The following CNGB3 variants were observed in gnomAD, a reference collection of about 807,000 sequenced individuals.
CNGB3 encodes the protein cyclic nucleotide-gated channel beta-3.
Under a neutral mutation model 92.8 loss-of-function variants are expected in CNGB3, and 86 were observed. The observed-to-expected ratio is 0.93, with a 90% CI of 0.78 to 1.11. The LOEUF is 1.11. Among genes scored for constraint, CNGB3 ranks in the 50% least tolerant of loss-of-function variants. The pLI, the probability that CNGB3 is intolerant of heterozygous loss-of-function variation, is 0.00. For synonymous variants in CNGB3, 333 were observed against 332.7 expected (o/e 1.00, Z -0.01); for missense variants, 1,026 against 956.8 (o/e 1.07, Z -0.95).
At chr8:86,707,837 A>C (rs989967117) in intron 3 of CNGB3, 1 of 151,960 alleles carries the variant, frequency 6.6e-6, no homozygotes, top group Non-Finnish European at 1.5e-5. Flanking sequence ...GGCAAAGTCT[A>C]GATATAACAC....
At chr8:86,615,518 G>C (rs546948712) in intron 13 of CNGB3, among the ~76,000 whole-genome samples, 4 of 152,144 alleles carry the variant, frequency 2.6e-5, no homozygotes, top group Non-Finnish European at 4.4e-5. Flanking sequence ...TGACAAGATC[G>C]CTAGAACCTG....
chr8:86,598,420 A>G (rs1822219439), intron 15 of CNGB3, among the ~76,000 whole-genome samples: 1 of 152,216 alleles, frequency 6.6e-6, no homozygotes. Flanking sequence ...TAGAGTGTCA[A>G]GCATGTTTTG....
At chr8:86,656,307 C>T (rs976617132) in intron 6 of CNGB3, among the ~76,000 whole-genome samples, 1 of 152,176 alleles carries the variant, frequency 6.6e-6, no homozygotes, top group Admixed American at 6.5e-5. Flanking sequence ...CTCCACCCTG[C>T]ACTCAGGAAG....
At chr8:86,685,721 C>G (rs1824174357) in intron 3 of CNGB3, among the ~76,000 whole-genome samples, 1 of 152,046 alleles carries the variant, frequency 6.6e-6, no homozygotes, top group African/African-American at 2.4e-5. Flanking sequence ...TATGACTGAG[C>G]TAACAGAAGA....
intron 15 of CNGB3, among the ~76,000 whole-genome samples, chr8:86,579,929 C>A (rs996085560): frequency 6.6e-6 from 1 of 152,160 alleles, no homozygotes; most frequent in East Asian, 1.9e-4. Context: ...GATGCATTGC[C>A]ACCTTTTGTT....
intron 3 of CNGB3, among the ~76,000 whole-genome samples, chr8:86,709,429 C>T (rs1048271826): frequency 2.6e-4 from 39 of 152,130 alleles, no homozygotes; most frequent in African/African-American, 9.2e-4. Flanking sequence ...TCAAACAGCC[C>T]TGTTTCTGTG....
At chr8:86,678,274 G>A (rs1208800738) in intron 3 of CNGB3, among the ~76,000 whole-genome samples, 1 of 152,106 alleles carries the variant, frequency 6.6e-6, no homozygotes, top group East Asian at 1.9e-4. Context: ...ACAAAATTAT[G>A]ATTTTTTGCC....
At chr8:86,712,853 G>A (rs1824775983) in intron 3 of CNGB3, among the ~76,000 whole-genome samples, 2 of 149,514 alleles carry the variant, frequency 1.3e-5, no homozygotes, top group African/African-American at 4.9e-5. Flanking sequence ...AAACTCCCAA[G>A]TAGCTAGGAT....
intron 3 of CNGB3, among the ~76,000 whole-genome samples, chr8:86,720,336 A>C (rs1389699913): frequency 6.6e-6 from 1 of 152,236 alleles, no homozygotes; most frequent in Non-Finnish European, 1.5e-5. Flanking sequence ...AAAGTGGGCT[A>C]AGGACATGAA....
intron 3 of CNGB3, among the ~76,000 whole-genome samples, chr8:86,712,883 G>GCT (rs1463349307): frequency 1.1e-4 from 16 of 150,734 alleles, no homozygotes; most frequent in African/African-American, 3.9e-4. Context: ...GTGATACTGC[G>GCT]CCTGGCTTTC....
chr8:86,721,793 A>G (rs1010026466), intron 3 of CNGB3, among the ~76,000 whole-genome samples: 1 of 152,170 alleles, frequency 6.6e-6, no homozygotes, highest in East Asian at 1.9e-4. Flanking sequence ...TTGATAGCTG[A>G]CATTCCTTTT....
intron 1 of CNGB3, among the ~76,000 whole-genome samples, chr8:86,741,640 T>A (rs185323459): frequency 7.3e-5 from 11 of 151,650 alleles, no homozygotes; most frequent in African/African-American, 2.7e-4. Flanking sequence ...CACTCCAGCC[T>A]GGGCGACAGA....
chr8:86,722,517 T>A (rs1450055650), intron 3 of CNGB3, among the ~76,000 whole-genome samples: 1 of 152,194 alleles, frequency 6.6e-6, no homozygotes, highest in Non-Finnish European at 1.5e-5. Flanking sequence ...TAATGTTATG[T>A]GTCAACTTGA....
At chr8:86,625,855 T>A (rs1361367951) in intron 13 of CNGB3, 128 bp downstream of exon 13, 1 of 766,640 alleles carries the variant, frequency 1.3e-6, no homozygotes, top group African/African-American at 1.7e-5. Context: ...TAATTCCACA[T>A]AATTTCTCTA....
In CNGB3 at chr8:86,717,485, C is replaced by A. The variant is rs1586034099; in HGVS notation, c.338+9046G>T. Among the ~76,000 whole-genome samples, 3 of 150,912 alleles carry A rather than the reference C, an allele frequency of 2.0e-5. No individual in the cohort carries two copies. In the South Asian group the frequency reaches 6.3e-4, roughly 31 times the overall value. On this transcript the variant is annotated intron_variant, in intron 3 of 17. Transcript: ENST00000320005. ...GACTGAGGCTGGAGAATTTTTTGAACCCAGGGGGTGGAGGTTGCCATGAGC... is the reference window on the plus strand; with the variant it reads ...GACTGAGGCTGGAGAATTTTTTGAAACCAGGGGGTGGAGGTTGCCATGAGC...
In CNGB3 at chr8:86,668,172, C is replaced by T. The variant is rs1307679177; in HGVS notation, c.494-4G>A. On this transcript the variant is annotated splice_polypyrimidine_tract_variant and splice_region_variant and intron_variant, in intron 4 of 17. Transcript: ENST00000320005. ...GGTGGTACAGCCGTGGGCTTTGCTT[C>T]ATAGGGAAAAAAAAAAAGATGAAAC... is the stretch of plus-strand genomic sequence containing the variant. 1 of 1,597,406 alleles carries T rather than the reference C, an allele frequency of 6.3e-7. No homozygotes were observed. The highest frequency in any genetic ancestry group is 1.4e-5 in the African/African-American group (1 of 73,190).
At chr8:86,693,497 G>A (rs1408377526) in intron 3 of CNGB3, among the ~76,000 whole-genome samples, 1 of 149,086 alleles carries the variant, frequency 6.7e-6, no homozygotes, top group Non-Finnish European at 1.5e-5. Flanking sequence ...TCGCAGAGGG[G>A]GATTTGGCAG....
chr8:86,642,325 A>T (rs896304032), intron 10 of CNGB3, among the ~76,000 whole-genome samples: 2 of 151,870 alleles, frequency 1.3e-5, no homozygotes, highest in African/African-American at 4.8e-5. Flanking sequence ...GTCAATTTTT[A>T]GATAAATTAG....
intron 15 of CNGB3, among the ~76,000 whole-genome samples, chr8:86,580,189 A>ACGG (rs1554604945): frequency 3.3e-4 from 8 of 24,366 alleles, no homozygotes; most frequent in Non-Finnish European, 6.6e-4. Flanking sequence ...CGAGAATAGC[A>ACGG]CGGGGGGGGT....
Sources: allele counts gnomAD v4.1 joint callset (sites outside exome capture counted in the v4.1 genomes callset), GRCh38; gene constraint gnomAD v4.1.1; transcripts MANE v1.5; gene names NCBI Gene and HGNC (gene_info 2026-07-23, HGNC 2026-07-21).